The following RYR3 variants were observed in gnomAD, a reference collection of about 807,000 sequenced individuals.
RYR3 encodes ryanodine receptor 3, also known as brain ryanodine receptor-calcium release channel.
Under a neutral mutation model 584.3 loss-of-function variants are expected in RYR3, and 207 were observed. The ratio of observed to expected loss-of-function variants is 0.35; its 90% confidence interval spans 0.32 to 0.40. The LOEUF (loss-of-function observed/expected upper bound fraction) is 0.40. RYR3 is among the 10% of genes least tolerant of loss of function. The pLI, the probability that RYR3 is intolerant of heterozygous loss-of-function variation, is 1.00. For missense variants in RYR3, 5,616 were observed against 6,089.2 expected (o/e 0.92, Z 2.59); for synonymous variants, 2,416 against 2,248.5 (o/e 1.07, Z -2.11).
At chr15:33,472,421 T>G (rs1394940378) in intron 1 of RYR3, among the ~76,000 whole-genome samples, 2 of 152,230 alleles carry the variant, frequency 1.3e-5, no homozygotes, top group Non-Finnish European at 2.9e-5. Context: ...AGACAATCTC[T>G]GACACTGAAG....
intron 60 of RYR3, among the ~76,000 whole-genome samples, chr15:33,763,186 A>C (rs1465679238): frequency 6.6e-6 from 1 of 152,236 alleles, no homozygotes; most frequent in East Asian, 1.9e-4. Context: ...CCTAGGCAAT[A>C]CCATTCAGGA....
intron 1 of RYR3, among the ~76,000 whole-genome samples, chr15:33,312,041 G>A (rs1354687295): frequency 6.6e-6 from 1 of 152,234 alleles, no homozygotes; most frequent in Non-Finnish European, 1.5e-5. Flanking sequence ...GTTTCCTCAT[G>A]TGTAAAATAA....
At chr15:33,628,357 A>G in intron 20 of RYR3, 114 bp from the exon 21 acceptor site, 1 of 677,206 alleles carries the variant, frequency 1.5e-6, no homozygotes, top group Admixed American at 2.3e-5. Flanking sequence ...ATGAGGTCGG[A>G]TACTGCAGCT....
At chr15:33,359,051 C>T (rs1974378114) in intron 1 of RYR3, among the ~76,000 whole-genome samples, 1 of 152,098 alleles carries the variant, frequency 6.6e-6, no homozygotes, top group Non-Finnish European at 1.5e-5. Context: ...CTCTACTCTC[C>T]AAATTTACCC....
chr15:33,499,185 C>G (rs1429083555), intron 2 of RYR3, among the ~76,000 whole-genome samples: 1 of 150,660 alleles, frequency 6.6e-6, no homozygotes, highest in Non-Finnish European at 1.5e-5. Context: ...CTCCCTCTCT[C>G]TCCCTCCCCT....
chr15:33,598,878 C>T (rs999809509), intron 16 of RYR3, among the ~76,000 whole-genome samples: 1 of 152,192 alleles, frequency 6.6e-6, no homozygotes, highest in South Asian at 2.1e-4. Context: ...ACGGTGAAAC[C>T]CTGTCTCTAC....
chr15:33,835,133 C>A, intron 87 of RYR3, 61 bp downstream of exon 87: 1 of 1,236,850 alleles, frequency 8.1e-7, no homozygotes, highest in Non-Finnish European at 1.2e-6. Context: ...GTCCTCACTC[C>A]TTGGTGTTCC....
In RYR3 at chr15:33,510,322, G is replaced by T. The variant is rs117874722; in HGVS notation, c.279+6584G>T. Among the ~76,000 whole-genome samples, 32 of 152,258 alleles carry T rather than the reference G, an allele frequency of 2.1e-4. No individual in the cohort carries two copies. The East Asian group carries it at 6.2e-3, about 29-fold the overall frequency. ...ACTTAGATGCAAAGTCCTTTCTCAG[G>T]TCTGTAATGGTTGCAGTGTACCAAG... is the stretch of plus-strand genomic sequence containing the variant. On this transcript the variant is annotated intron_variant, in intron 3 of 103. Coordinates refer to ENST00000634891, the MANE Select transcript of RYR3 (RefSeq NM_001036.6).
intron 63 of RYR3, 80 bp from the exon 64 acceptor site, chr15:33,773,454 T>C: frequency 1.1e-6 from 1 of 931,358 alleles, no homozygotes; most frequent in South Asian, 1.4e-5. Flanking sequence ...CTGATGCTCA[T>C]GCATTTTTTT....
intron 101 of RYR3, 144 bp from the exon 102 acceptor site, chr15:33,860,934 A>G (rs1887970219): frequency 1.7e-6 from 1 of 587,886 alleles, no homozygotes; most frequent in Non-Finnish European, 2.8e-6. Context: ...TAGCCAATGT[A>G]TGGCACTACT....
At chr15:33,364,997 A>G (rs959930968) in intron 1 of RYR3, among the ~76,000 whole-genome samples, 4 of 152,210 alleles carry the variant, frequency 2.6e-5, no homozygotes, top group Admixed American at 6.5e-5. Flanking sequence ...GAGAGGCAAA[A>G]AGGACACATA....
rs2043961869 is a variant in RYR3, at chr15:33,418,183, C to T, written c.52-55236C>T. Among the ~76,000 whole-genome samples, 3 of 152,082 alleles carry T rather than the reference C, an allele frequency of 2.0e-5. No individual in the cohort carries two copies. The South Asian group carries it at 6.2e-4, about 32-fold the overall frequency. On this transcript the variant is annotated intron_variant, in intron 1 of 103. Coordinates refer to ENST00000634891, the MANE Select transcript of RYR3 (RefSeq NM_001036.6). ...GCCAGATTTGGGTATCAGAATGACA[C>T]TAGTTTTATAGAATGAGTTAGAGAG...
intron 1 of RYR3, among the ~76,000 whole-genome samples, chr15:33,336,114 G>C (rs1448052975): frequency 1.3e-5 from 2 of 152,028 alleles, no homozygotes; most frequent in Non-Finnish European, 2.9e-5. Flanking sequence ...TTACTTAAGA[G>C]ACACAAGTCC....
At chr15:33,722,368 C>T (rs549142624) in intron 43 of RYR3, 14 of 267,076 alleles carry the variant, frequency 5.2e-5, no homozygotes, top group South Asian at 1.2e-4. Flanking sequence ...AATCCTGAGC[C>T]GAAGAGTAAA....
In RYR3 at chr15:33,844,917, C is replaced by A. The variant is rs2078619276; in HGVS notation, c.13352C>A (p.Ser4451Tyr). The change falls in exon 93 of 104, where the codon TCC becomes TAC. Residue 4451 changes from serine to tyrosine, a missense_variant. Physicochemically the swap from Ser to Tyr is moderately radical, Grantham distance 144 (BLOSUM62 -2). Around this residue, in one of 9 missense-constraint regions of RYR3, gnomAD observed 918 missense variants for 887.4 expected, o/e 1.03. Coordinates refer to ENST00000634891, the MANE Select transcript of RYR3 (RefSeq NM_001036.6). ...ETEDVANLWN[S>Y]FNDEEEEEAM... ...GAGGATGTTGCAAACCTATGGAATT[C>A]CTTTAATGACGAGGAAGAGGAAGAA... is the stretch of plus-strand genomic sequence containing the variant. 2 of 1,613,880 alleles carry A rather than the reference C, an allele frequency of 1.2e-6. No individual in the cohort carries two copies.
intron 86 of RYR3, among the ~76,000 whole-genome samples, chr15:33,833,693 C>A (rs2048709018): frequency 6.6e-6 from 1 of 152,118 alleles, no homozygotes; most frequent in Admixed American, 6.5e-5. Context: ...GAATGTGTTT[C>A]TTTCAGAAAC....
chr15:33,564,598 C>T (rs951715912), intron 11 of RYR3, among the ~76,000 whole-genome samples: 1 of 152,164 alleles, frequency 6.6e-6, no homozygotes. Flanking sequence ...AGAGCCTCTA[C>T]AGTTTTTCAA....
intron 1 of RYR3, among the ~76,000 whole-genome samples, chr15:33,435,017 T>TC (rs566816155): frequency 6.6e-6 from 1 of 152,242 alleles, no homozygotes; most frequent in South Asian, 2.1e-4. Flanking sequence ...AGATGGGGTT[T>TC]CACTGTGTTA....
intron 18 of RYR3, among the ~76,000 whole-genome samples, chr15:33,609,061 C>A (rs2152563335): frequency 6.6e-6 from 1 of 152,334 alleles, no homozygotes; most frequent in South Asian, 2.1e-4. Flanking sequence ...GTATAGAAGC[C>A]AACAGTGAAC....
Sources: allele counts gnomAD v4.1 joint callset (sites outside exome capture counted in the v4.1 genomes callset), GRCh38; gene constraint gnomAD v4.1.1; regional missense constraint gnomAD v4.1.1; transcripts MANE v1.5; gene names NCBI Gene and HGNC (gene_info 2026-07-23, HGNC 2026-07-21).